Variants in NECAP1 observed in about 807,000 individuals in gnomAD.
NECAP1 encodes the protein NECAP endocytosis associated 1, also known as adaptin ear-binding coat-associated protein 1.
In NECAP1, 13 loss-of-function variants were observed where a neutral mutation model predicts 33.4. The ratio of observed to expected loss-of-function variants is 0.39; its 90% CI spans 0.25 to 0.62. The LOEUF (loss-of-function observed/expected upper bound fraction) is 0.62. NECAP1 is among the 20% of genes least tolerant of loss of function. NECAP1 has a pLI of 0.52. For missense variants in NECAP1, 272 were observed against 347.4 expected (o/e 0.78, Z 1.73); for synonymous variants, 109 against 125.2 (o/e 0.87, Z 0.86).
At chr12:8,095,983 G>T in intron 7 of NECAP1, 59 bp from the exon 8 acceptor site, 1 of 1,585,712 alleles carries the variant, frequency 6.3e-7, no homozygotes, top group Non-Finnish European at 8.6e-7. Flanking sequence ...ATTAAGTAAA[G>T]AATGGAGTTG....
Position 8,086,406 on chromosome 12 carries a change from A to C in NECAP1, c.96-3530A>C, listed in dbSNP as rs769886911. On this transcript the variant is annotated intron_variant, in intron 1 of 7. Transcript: ENST00000339754. ...GGCGCACGGATCACTTAAGGTCAGG[A>C]GTTCCAGACCAGCCTGGCCAACATG... is the stretch of plus-strand genomic sequence containing the variant. 7.9e-5 allele frequency among the ~76,000 whole-genome samples: 12 copies of C among 152,110 alleles called. No individual in the cohort carries two copies. In the South Asian group the frequency reaches 2.5e-3, roughly 32 times the overall value.
intron 3 of NECAP1, chr12:8,091,352 A>G (rs1173072452): frequency 1.7e-5 from 3 of 172,466 alleles, no homozygotes; most frequent in Non-Finnish European, 3.8e-5. Context: ...TTCTATTATT[A>G]TTACATTGTA....
rs1471621965 is a variant in NECAP1, at chr12:8,087,018, A to ATTTTTT, written c.96-2918_96-2917insTTTTTT. Among the ~76,000 whole-genome samples, 148 of 144,336 alleles carry ATTTTTT rather than the reference A, an allele frequency of 1.0e-3. 2 individuals carry two copies. The highest frequency in any genetic ancestry group is 7.5e-3 in the Admixed American group (109 of 14,590). The allele number at this position is 144,336 out of a possible 152,430, so 94.7% of individuals were successfully genotyped here. On this transcript the variant is annotated intron_variant, in intron 1 of 7. Transcript: ENST00000339754. The stretch of plus-strand genomic sequence containing the variant: ...ACCTATAAAACTATTTTTTTTTAAA[A>ATTTTTT]AAAAATTCTTCACTACCCTCTTCCC...
intron 4 of NECAP1, chr12:8,092,113 G>A (rs1359265719): frequency 2.2e-6 from 1 of 450,734 alleles, no homozygotes; most frequent in Non-Finnish European, 4.0e-6. Flanking sequence ...CCGTCTTTTA[G>A]GTGGTAGAGG....
intron 1 of NECAP1, among the ~76,000 whole-genome samples, chr12:8,087,848 A>G (rs766592238): frequency 6.6e-6 from 1 of 152,188 alleles, no homozygotes; most frequent in Non-Finnish European, 1.5e-5. Context: ...AAGAGGGAAG[A>G]GAATGGGAAG....
chr12:8,092,147 T>C (rs1423949895), intron 4 of NECAP1: 2 of 398,696 alleles, frequency 5.0e-6, no homozygotes, highest in Admixed American at 4.2e-5. Flanking sequence ...ACAGCAGGGC[T>C]TTATGTGGGG....
chr12:8,092,224 G>C, intron 4 of NECAP1: 5 of 304,978 alleles, frequency 1.6e-5, no homozygotes, highest in South Asian at 1.6e-4. Context: ...CATTTCTTTA[G>C]CCCACTTGAT....
chr12:8,090,861 G>A (rs1947537931), intron 3 of NECAP1: 1 of 154,890 alleles, frequency 6.5e-6, no homozygotes, highest in Non-Finnish European at 1.4e-5. Context: ...AGTTTTTGGT[G>A]GGACTATCTT....
chr12:8,096,695 A>T lies in NECAP1; in HGVS notation c.*605A>T, dbSNP rs983333628. ...AACATCCAGTGCTGGGTGCAGCTCC[A>T]TCACCCTCTTGTGTGTTTACATGTC... On this transcript the variant is annotated 3_prime_UTR_variant, in exon 8 of 8. Coordinates refer to ENST00000339754, the MANE Select transcript of NECAP1 (RefSeq NM_015509.4). The T allele has an allele frequency of 3.3e-5, 5 of 152,648 alleles. No homozygotes were observed. The highest frequency in any genetic ancestry group is 5.9e-5 in the Non-Finnish European group (4 of 68,092). The allele number at this position is 152,648 out of a possible 1,614,324, so 9.5% of individuals were successfully genotyped here.
chr12:8,086,670 T>C (rs1947492684), intron 1 of NECAP1, among the ~76,000 whole-genome samples: 1 of 151,932 alleles, frequency 6.6e-6, no homozygotes, highest in African/African-American at 2.4e-5. Flanking sequence ...GTGCGGTGGC[T>C]CACTCCTGTA....
intron 7 of NECAP1, 107 bp downstream of exon 7, chr12:8,095,810 G>C (rs1183406348): frequency 1.2e-5 from 15 of 1,231,646 alleles, no homozygotes; most frequent in Non-Finnish European, 1.5e-5. Flanking sequence ...AGGTCACATA[G>C]AGTCTTTTGG....
intron 1 of NECAP1, among the ~76,000 whole-genome samples, chr12:8,088,723 AC>A (rs1194599673): frequency 6.6e-6 from 1 of 152,142 alleles, no homozygotes; most frequent in Non-Finnish European, 1.5e-5. Context: ...ACTATGACCC[AC>A]AAGGCCCTGC....
chr12:8,082,660 T>C, intron 1 of NECAP1: 3 of 427,626 alleles, frequency 7.0e-6, no homozygotes, highest in South Asian at 3.0e-5. Flanking sequence ...GGGGCACCCA[T>C]CTGCTCCCCA....
chr12:8,096,206 A>T lies in NECAP1; in HGVS notation c.*116A>T. 3 of 1,009,186 alleles carry T rather than the reference A, an allele frequency of 3.0e-6. No individual in the cohort carries two copies. The highest frequency in any genetic ancestry group is 4.4e-6 in the Non-Finnish European group (3 of 680,354). The allele number at this position is 1,009,186 out of a possible 1,614,324, so 62.5% of individuals were successfully genotyped here. A position where few individuals can be genotyped will look rare whatever the true frequency, so the allele number is the denominator to read the frequency against. The stretch of plus-strand genomic sequence containing the variant: ...TCCCCAGAACCAGAATGACTGGACA[A>T]TCTTTTTCATAGCTTCTCCATCACA... On this transcript the variant is annotated 3_prime_UTR_variant, in exon 8 of 8. Coordinates refer to ENST00000339754, the MANE Select transcript of NECAP1 (RefSeq NM_015509.4).
At chr12:8,087,018 A>ATTTT (rs1471621965) in intron 1 of NECAP1, among the ~76,000 whole-genome samples, 35,941 of 144,182 alleles carry the variant, frequency 0.25, 4,776 homozygotes, top group Middle Eastern at 0.34. Flanking sequence ...TTTTTTTAAA[A>ATTTT]AAAAATTCTT....
intron 1 of NECAP1, among the ~76,000 whole-genome samples, chr12:8,083,712 C>T (rs1490151418): frequency 6.8e-6 from 1 of 147,322 alleles, no homozygotes. Context: ...ACAGGCGTGA[C>T]ACCACGCCCA....
intron 1 of NECAP1, among the ~76,000 whole-genome samples, chr12:8,087,052 A>C (rs183833576): frequency 5.9e-5 from 9 of 152,114 alleles, no homozygotes; most frequent in African/African-American, 1.9e-4. Flanking sequence ...CCTTAGCTAA[A>C]TCAATATTAA....
At chr12:8,094,342 A>T (rs1282061627) in intron 6 of NECAP1, among the ~76,000 whole-genome samples, 1 of 152,176 alleles carries the variant, frequency 6.6e-6, no homozygotes, top group African/African-American at 2.4e-5. Context: ...TTGTGGAACT[A>T]TTGTCAAGTA....
Position 8,090,286 on chromosome 12 carries a change from C to A in NECAP1, c.288C>A (p.Ile96=). 6.2e-7 allele frequency: 1 copy of A among 1,614,016 alleles called. No individual in the cohort carries two copies. The highest frequency in any genetic ancestry group is 1.3e-5 in the African/African-American group (1 of 75,018). The change falls in exon 3 of 8, where the codon ATC becomes ATA. Residue 96 remains isoleucine (I), a synonymous_variant. Transcript: ENST00000339754. ...CTAGCCGCTACTTTGTAATCCGGAT[C>A]CAGGATGGTACTGGTAAGAGAACTG... ...TDSSRYFVIR[I]QDGTGRSAFI...
Sources: allele counts gnomAD v4.1 joint callset (sites outside exome capture counted in the v4.1 genomes callset), GRCh38; gene constraint gnomAD v4.1.1; transcripts MANE v1.5; gene names NCBI Gene and HGNC (gene_info 2026-07-23, HGNC 2026-07-21).